Variants in SND1 observed in about 807,000 individuals in gnomAD.
The protein encoded by SND1 is staphylococcal nuclease and tudor domain containing 1, also known as staphylococcal nuclease domain-containing protein 1.
Under a neutral mutation model 121.7 loss-of-function variants are expected in SND1, and 38 were observed. The observed-to-expected ratio is 0.31, with a 90% CI of 0.24 to 0.41. The LOEUF (loss-of-function observed/expected upper bound fraction) is 0.41. SND1 is among the 10% of genes least tolerant of loss of function. The pLI, the probability that SND1 is intolerant of heterozygous loss-of-function variation, is 1.00. For synonymous variants in SND1, 401 were observed against 447.4 expected (o/e 0.90, Z 1.31); for missense variants, 868 against 1,184.6 (o/e 0.73, Z 3.92).
intron 16 of SND1, among the ~76,000 whole-genome samples, chr7:128,020,623 T>C (rs561017826): frequency 2.6e-5 from 4 of 152,320 alleles, no homozygotes; most frequent in Non-Finnish European, 4.4e-5. Flanking sequence ...TCAGTGTCAA[T>C]TGTCATCCCC....
At chr7:127,849,856 G>C (rs1799132414) in intron 12 of SND1, among the ~76,000 whole-genome samples, 1 of 151,216 alleles carries the variant, frequency 6.6e-6, no homozygotes, top group Non-Finnish European at 1.5e-5. Flanking sequence ...ATGGCTGTCA[G>C]AGCATGAGAC....
chr7:127,747,447 G>A (rs1797001509), intron 10 of SND1, among the ~76,000 whole-genome samples: 1 of 152,194 alleles, frequency 6.6e-6, no homozygotes. Context: ...CAAGGAATTG[G>A]CATTGGGTAT....
intron 15 of SND1, among the ~76,000 whole-genome samples, chr7:127,950,511 A>G (rs1393288316): frequency 6.6e-6 from 1 of 152,200 alleles, no homozygotes; most frequent in Non-Finnish European, 1.5e-5. Flanking sequence ...CATGAATTGA[A>G]TCCTGTCCAC....
intron 12 of SND1, among the ~76,000 whole-genome samples, chr7:127,873,472 C>G (rs1421077403): frequency 6.6e-6 from 1 of 152,012 alleles, no homozygotes; most frequent in South Asian, 2.1e-4. Context: ...AGGGCAAGAC[C>G]GAGAAGAGAA....
intron 10 of SND1, among the ~76,000 whole-genome samples, chr7:127,790,146 A>G (rs184764998): frequency 1.2e-4 from 18 of 152,300 alleles, no homozygotes; most frequent in Admixed American, 5.2e-4. Flanking sequence ...TCTCATTAGC[A>G]GTGACCCTGG....
At chr7:127,773,948 A>G (rs1297724317) in intron 10 of SND1, among the ~76,000 whole-genome samples, 1 of 152,000 alleles carries the variant, frequency 6.6e-6, no homozygotes, top group East Asian at 1.9e-4. Flanking sequence ...CACATGTTGG[A>G]GGTGATGCTG....
intron 1 of SND1, among the ~76,000 whole-genome samples, chr7:127,658,495 A>G (rs955847369): frequency 6.6e-6 from 1 of 152,240 alleles, no homozygotes; most frequent in African/African-American, 2.4e-5. Flanking sequence ...AGTAGGCTTT[A>G]TAAGAGCTAA....
chr7:127,956,381 G>C (rs1330138199), intron 15 of SND1, among the ~76,000 whole-genome samples: 1 of 152,172 alleles, frequency 6.6e-6, no homozygotes, highest in East Asian at 1.9e-4. Flanking sequence ...TTTGTCTCCA[G>C]GAGTAAGTCC....
intron 21 of SND1, among the ~76,000 whole-genome samples, chr7:128,088,138 A>G (rs894698347): frequency 1.3e-5 from 2 of 152,170 alleles, no homozygotes; most frequent in Admixed American, 1.3e-4. Context: ...AAGTATCACA[A>G]AACACGTCGG....
At chr7:128,076,165 A>C (rs1257764601) in intron 17 of SND1, among the ~76,000 whole-genome samples, 2 of 152,144 alleles carry the variant, frequency 1.3e-5, no homozygotes, top group Non-Finnish European at 2.9e-5. Context: ...ACTCTAGAGG[A>C]ACCCAGGGGA....
At chr7:127,652,554 T>C (rs1795140919) in intron 1 of SND1, 103 bp downstream of exon 1, 1 of 944,190 alleles carries the variant, frequency 1.1e-6, no homozygotes, top group East Asian at 2.8e-5. Context: ...AGATCCCCTT[T>C]CCTCTGCCCC....
intron 12 of SND1, among the ~76,000 whole-genome samples, chr7:127,873,814 CTT>C (rs1187422145): frequency 2.6e-5 from 4 of 152,048 alleles, no homozygotes; most frequent in African/African-American, 9.7e-5. Context: ...CCCAGCTGGA[CTT>C]TTTATTATTC....
intron 11 of SND1, among the ~76,000 whole-genome samples, chr7:127,825,174 G>A (rs962656730): frequency 1.3e-5 from 2 of 152,120 alleles, no homozygotes; most frequent in Non-Finnish European, 2.9e-5. Flanking sequence ...GCAATGGCGC[G>A]ATGTGGGCTC....
At chr7:127,716,625 C>T (rs144107760) in intron 9 of SND1, among the ~76,000 whole-genome samples, 5 of 151,922 alleles carry the variant, frequency 3.3e-5, no homozygotes, top group East Asian at 1.9e-4. Flanking sequence ...TTTACCTATA[C>T]GTCATCTGGG....
In SND1 at chr7:128,074,561, C is replaced by T. The variant is rs1431682435; in HGVS notation, c.1839C>T (p.Ile613=). 11 of 1,613,488 alleles carry T rather than the reference C, an allele frequency of 6.8e-6. No individual in the cohort carries two copies. Among genetic ancestry groups the T allele is most frequent in the East Asian group, 2.2e-5 (1 of 44,870 alleles). ...KAGNFIGWLH[I]DGANLSVLLV... ...GCAACTTTATCGGCTGGCTGCACATCGACGGTGCCAACCTGTCCGTCCTGC... is the reference window on the plus strand; with the variant it reads ...GCAACTTTATCGGCTGGCTGCACATTGACGGTGCCAACCTGTCCGTCCTGC... Residue 613 remains isoleucine (I), a synonymous_variant, in exon 17 of 24, where the codon ATC becomes ATT. Transcript: ENST00000354725.
chr7:127,737,522 C>T (rs1190351634), intron 10 of SND1, among the ~76,000 whole-genome samples: 3 of 152,146 alleles, frequency 2.0e-5, no homozygotes, highest in Non-Finnish European at 4.4e-5. Flanking sequence ...TTGCAGGGAG[C>T]CGAGATCACA....
chr7:127,750,315 A>G (rs182527738), intron 10 of SND1, among the ~76,000 whole-genome samples: 7 of 152,296 alleles, frequency 4.6e-5, no homozygotes, highest in Admixed American at 4.6e-4. Flanking sequence ...GGTTCTTATG[A>G]GTGGAAAGTT....
intron 12 of SND1, chr7:127,858,374 C>G (rs1799321376): frequency 1.5e-6 from 2 of 1,354,170 alleles, no homozygotes; most frequent in Admixed American, 2.0e-5. Flanking sequence ...CACTGTCTCT[C>G]TAGGCAATAG....
chr7:127,945,484 C>G (rs914576679), intron 15 of SND1, among the ~76,000 whole-genome samples: 1 of 151,814 alleles, frequency 6.6e-6, no homozygotes, highest in Non-Finnish European at 1.5e-5. Flanking sequence ...GAGCGAGACT[C>G]CATCTCAAAA....
Sources: gnomAD v4.1 joint callset for allele counts (sites outside exome capture counted in the v4.1 genomes callset) on GRCh38, gnomAD v4.1.1 for gene constraint, MANE v1.5 for transcripts, NCBI Gene and HGNC (gene_info 2026-07-23, HGNC 2026-07-21) for gene names.